PLCL1: variants seen among roughly 807,000 people sequenced by gnomAD.
PLCL1 encodes phospholipase C like 1 (inactive).
Under a neutral mutation model 84.4 loss-of-function variants are expected in PLCL1, and 41 were observed. The ratio of observed to expected loss-of-function variants is 0.49; its 90% CI spans 0.38 to 0.63. PLCL1 has a LOEUF of 0.63. PLCL1 is among the 30% of genes least tolerant of loss of function. PLCL1 has a pLI of 0.00. For synonymous variants in PLCL1, 490 were observed against 488.3 expected (o/e 1.00, Z -0.05); for missense variants, 1,206 against 1,367.8 (o/e 0.88, Z 1.87).
intron 1 of PLCL1, among the ~76,000 whole-genome samples, chr2:197,816,171 A>G (rs1269623757): frequency 1.3e-5 from 2 of 151,994 alleles, no homozygotes; most frequent in Admixed American, 6.6e-5. Context: ...AGCCACCCAA[A>G]CCTTCAGCAA....
intron 1 of PLCL1, among the ~76,000 whole-genome samples, chr2:197,850,598 G>A (rs904514810): frequency 1.3e-5 from 2 of 152,044 alleles, no homozygotes; most frequent in African/African-American, 4.8e-5. Flanking sequence ...TAAACCCGAA[G>A]GCCATATACA....
intron 1 of PLCL1, among the ~76,000 whole-genome samples, chr2:197,922,561 G>C (rs1574949912): frequency 7.5e-6 from 1 of 132,950 alleles, no homozygotes; most frequent in Non-Finnish European, 1.7e-5. Flanking sequence ...GCCGGGCAGA[G>C]GGGCTCCTTA....
chr2:197,996,608 T>C lies in PLCL1; in HGVS notation c.241-87150T>C, dbSNP rs1220330151. Among the ~76,000 whole-genome samples, 6 of 151,986 alleles carry C rather than the reference T, an allele frequency of 3.9e-5. No homozygotes were observed. In the East Asian group the frequency reaches 1.2e-3, roughly 29 times the overall value. The stretch of plus-strand genomic sequence containing the variant: ...AAAACTGCTCTAAAAATAAAGTCTA[T>C]TAATTAAAAAAAAAAGCCAGTGAAG... On this transcript the variant is annotated intron_variant, in intron 1 of 5. Coordinates refer to ENST00000428675, the MANE Select transcript of PLCL1 (RefSeq NM_006226.4).
intron 5 of PLCL1, among the ~76,000 whole-genome samples, chr2:198,117,326 T>G (rs1293455249): frequency 1.9e-5 from 2 of 107,446 alleles, no homozygotes. Context: ...AGTCATTTTC[T>G]GTTTTTTTTT....
At chr2:198,113,103 C>T (rs1353176772) in intron 5 of PLCL1, among the ~76,000 whole-genome samples, 4 of 151,772 alleles carry the variant, frequency 2.6e-5, no homozygotes, top group African/African-American at 4.8e-5. Flanking sequence ...TATCCGTGGA[C>T]GAGGTATCTG....
At chr2:198,092,993 A>C (rs1458079324) in intron 3 of PLCL1, among the ~76,000 whole-genome samples, 1 of 152,210 alleles carries the variant, frequency 6.6e-6, no homozygotes, top group Non-Finnish European at 1.5e-5. Flanking sequence ...TTGATGATAA[A>C]TTATTAAATC....
At chr2:197,828,238 TG>T (rs1281789867) in intron 1 of PLCL1, among the ~76,000 whole-genome samples, 1 of 152,142 alleles carries the variant, frequency 6.6e-6, no homozygotes, top group Non-Finnish European at 1.5e-5. Context: ...TGCAAGAGGT[TG>T]GTTGGTTCAC....
chr2:198,140,553 A>G (rs531159287), intron 5 of PLCL1, among the ~76,000 whole-genome samples: 2 of 152,294 alleles, frequency 1.3e-5, no homozygotes, highest in South Asian at 4.1e-4. Context: ...TAGGAAAGCT[A>G]TTGTAACAAT....
intron 1 of PLCL1, among the ~76,000 whole-genome samples, chr2:197,872,991 T>C (rs1687674122): frequency 6.6e-6 from 1 of 152,150 alleles, no homozygotes; most frequent in South Asian, 2.1e-4. Flanking sequence ...ATGAGATAAC[T>C]GAAGCACAGA....
chr2:198,082,106 C>T (rs973464633), intron 1 of PLCL1, among the ~76,000 whole-genome samples: 28 of 152,230 alleles, frequency 1.8e-4, no homozygotes, highest in Non-Finnish European at 2.8e-4. Flanking sequence ...CAATGCTCCT[C>T]TTCCTTTGAA....
At chr2:197,868,917 A>G (rs1687596321) in intron 1 of PLCL1, among the ~76,000 whole-genome samples, 1 of 152,148 alleles carries the variant, frequency 6.6e-6, no homozygotes, top group Non-Finnish European at 1.5e-5. Context: ...AAATACTAAG[A>G]AATTATACTT....
chr2:198,041,354 G>A (rs757226780), intron 1 of PLCL1, among the ~76,000 whole-genome samples: 38 of 151,986 alleles, frequency 2.5e-4, no homozygotes, highest in Non-Finnish European at 4.7e-4. Context: ...TATTTTGACC[G>A]AAATAAGTAG....
chr2:197,856,935 C>T lies in PLCL1; in HGVS notation c.240+51596C>T, dbSNP rs181880797. Among the ~76,000 whole-genome samples, 135 of 151,542 alleles carry T rather than the reference C, an allele frequency of 8.9e-4. 1 individual carries two copies. Among genetic ancestry groups the T allele is most frequent in the Admixed American group, 1.6e-3 (24 of 15,216 alleles). On this transcript the variant is annotated intron_variant, in intron 1 of 5. Coordinates refer to ENST00000428675, the MANE Select transcript of PLCL1 (RefSeq NM_006226.4). ...TTTTCAAAGTGGTCTAACTTTAAGA[C>T]GATTGTATATTTAGAATTCCTGTAC...
At chr2:198,006,116 A>G (rs1180555502) in intron 1 of PLCL1, among the ~76,000 whole-genome samples, 1 of 152,196 alleles carries the variant, frequency 6.6e-6, no homozygotes, top group Non-Finnish European at 1.5e-5. Context: ...CTTCCCTTCT[A>G]GGGAAACAAC....
chr2:198,053,206 C>A (rs1221271302), intron 1 of PLCL1, among the ~76,000 whole-genome samples: 1 of 152,210 alleles, frequency 6.6e-6, no homozygotes, highest in Non-Finnish European at 1.5e-5. Context: ...ATCTTATGAA[C>A]TAATCATTGG....
intron 1 of PLCL1, among the ~76,000 whole-genome samples, chr2:197,842,091 A>G (rs1330770162): frequency 6.6e-6 from 1 of 152,176 alleles, no homozygotes; most frequent in Non-Finnish European, 1.5e-5. Flanking sequence ...AAGATTGCCC[A>G]TTAGGAATGC....
chr2:198,082,707 A>T (rs987146320), intron 1 of PLCL1, among the ~76,000 whole-genome samples: 9 of 152,162 alleles, frequency 5.9e-5, no homozygotes, highest in Non-Finnish European at 1.2e-4. Flanking sequence ...ATTGGGAATG[A>T]TAGACACAGT....
intron 1 of PLCL1, among the ~76,000 whole-genome samples, chr2:198,011,219 T>A (rs970376292): frequency 3.3e-5 from 5 of 151,826 alleles, no homozygotes; most frequent in Non-Finnish European, 7.4e-5. Context: ...TGATTTTAGA[T>A]CTTTTTTCTT....
chr2:197,953,862 T>C (rs1252085376), intron 1 of PLCL1, among the ~76,000 whole-genome samples: 1 of 152,024 alleles, frequency 6.6e-6, no homozygotes, highest in East Asian at 1.9e-4. Flanking sequence ...TTTTTTTTTT[T>C]TCTAAAATAT....
Sources: gnomAD v4.1 joint callset for allele counts (sites outside exome capture counted in the v4.1 genomes callset) on GRCh38, gnomAD v4.1.1 for gene constraint, MANE v1.5 for transcripts, NCBI Gene and HGNC (gene_info 2026-07-23, HGNC 2026-07-21) for gene names.